KCND2: variants seen among roughly 807,000 people sequenced by gnomAD.
KCND2 encodes potassium voltage-gated channel subfamily D member 2.
In KCND2, 16 loss-of-function variants were observed where a neutral mutation model predicts 54.4. That is an observed-to-expected ratio of 0.29 (90% CI 0.20 to 0.45). The LOEUF (loss-of-function observed/expected upper bound fraction) is 0.45, where lower values mean the gene tolerates loss of function less well. Ranked by LOEUF, KCND2 falls within the 20% of genes least tolerant of loss-of-function variation. The pLI is 1.00. For missense variants in KCND2, 486 were observed against 824.2 expected (o/e 0.59, Z 5.02); for synonymous variants, 317 against 310.7 (o/e 1.02, Z -0.21).
chr7:120,408,653 A>G (rs967280772), intron 1 of KCND2, among the ~76,000 whole-genome samples: 9 of 151,840 alleles, frequency 5.9e-5, no homozygotes, highest in Admixed American at 4.6e-4. Flanking sequence ...CTCAGGAGTC[A>G]TTGTGATCAA....
At chr7:120,718,007 G>A (rs1415478892) in intron 1 of KCND2, among the ~76,000 whole-genome samples, 5 of 152,010 alleles carry the variant, frequency 3.3e-5, no homozygotes, top group Non-Finnish European at 5.9e-5. Context: ...TAAGTGGTAG[G>A]CAGCAACCAG....
chr7:120,484,036 G>A (rs936594780), intron 1 of KCND2, among the ~76,000 whole-genome samples: 1 of 152,048 alleles, frequency 6.6e-6, no homozygotes, highest in Non-Finnish European at 1.5e-5. Flanking sequence ...CAAACCTGGA[G>A]ATAAATAAAA....
At chr7:120,741,690 T>C in intron 3 of KCND2, 61 bp downstream of exon 3, 1 of 1,114,986 alleles carries the variant, frequency 9.0e-7, no homozygotes, top group Non-Finnish European at 1.4e-6. Context: ...TTGATTTAGT[T>C]CTACTTTCCT....
intron 1 of KCND2, among the ~76,000 whole-genome samples, chr7:120,345,375 A>G (rs1800300636): frequency 6.6e-6 from 1 of 152,060 alleles, no homozygotes; most frequent in African/African-American, 2.4e-5. Flanking sequence ...GTAATTTTTT[A>G]AAGTGAAAGT....
At chr7:120,703,157 A>T (rs1055665200) in intron 1 of KCND2, among the ~76,000 whole-genome samples, 3 of 152,220 alleles carry the variant, frequency 2.0e-5, no homozygotes, top group Non-Finnish European at 4.4e-5. Flanking sequence ...GAGAGAAAGT[A>T]TCTGAACAGG....
chr7:120,709,724 TG>T (rs2116061546), intron 1 of KCND2, among the ~76,000 whole-genome samples: 1 of 152,248 alleles, frequency 6.6e-6, no homozygotes, highest in African/African-American at 2.4e-5. Flanking sequence ...AAGAAGAAAG[TG>T]TGGCTTTTCA....
intron 1 of KCND2, among the ~76,000 whole-genome samples, chr7:120,565,989 G>C (rs185907019): frequency 1.3e-5 from 2 of 152,206 alleles, no homozygotes; most frequent in African/African-American, 4.8e-5. Flanking sequence ...TTAATAATGA[G>C]TTCTCCCAGA....
intron 1 of KCND2, among the ~76,000 whole-genome samples, chr7:120,488,665 T>C (rs1269240877): frequency 6.6e-6 from 1 of 152,280 alleles, no homozygotes; most frequent in East Asian, 1.9e-4. Context: ...TCTTTCATGT[T>C]TATTTACTAA....
At chr7:120,433,611 C>T (rs1361420251) in intron 1 of KCND2, among the ~76,000 whole-genome samples, 3 of 152,186 alleles carry the variant, frequency 2.0e-5, no homozygotes, top group African/African-American at 7.2e-5. Flanking sequence ...ACAACCAGCA[C>T]TATTGCCTGG....
intron 1 of KCND2, among the ~76,000 whole-genome samples, chr7:120,623,439 CA>C (rs1270470566): frequency 6.6e-6 from 1 of 152,078 alleles, no homozygotes; most frequent in African/African-American, 2.4e-5. Flanking sequence ...TGTATGAAGG[CA>C]AGTGTTATGA....
rs114617783 is a variant in KCND2 at position 120,313,341 on chromosome 7, A to G, written c.1115+37594A>G. Among the ~76,000 whole-genome samples, 758 of 152,316 alleles carry G rather than the reference A, an allele frequency of 5.0e-3. 3 individuals carry two copies. The highest frequency in any genetic ancestry group is 0.017 in the African/African-American group (697 of 41,568). The stretch of plus-strand genomic sequence containing the variant: ...TAAAATATTTCTATTGTATATGTAT[A>G]TAAATGTATGCATGACAATTAAATA... On this transcript the variant is annotated intron_variant, in intron 1 of 5. Transcript: ENST00000331113.
At chr7:120,744,168 A>G (rs906057564) in intron 4 of KCND2, among the ~76,000 whole-genome samples, 5 of 152,268 alleles carry the variant, frequency 3.3e-5, no homozygotes, top group African/African-American at 1.2e-4. Flanking sequence ...AGGCTGAGGC[A>G]GGAGAATTGC....
At chr7:120,654,395 T>C (rs949917136) in intron 1 of KCND2, among the ~76,000 whole-genome samples, 14 of 152,306 alleles carry the variant, frequency 9.2e-5, no homozygotes, top group Non-Finnish European at 1.9e-4. Context: ...ATTGTTGCAA[T>C]TTATATGGAA....
chr7:120,687,484 C>G (rs997166469), intron 1 of KCND2, among the ~76,000 whole-genome samples: 1 of 152,036 alleles, frequency 6.6e-6, no homozygotes, highest in African/African-American at 2.4e-5. Flanking sequence ...TGCTGATTAG[C>G]TTGATTTAAC....
rs1467967042 is a variant in KCND2, at chr7:120,324,455, C to A, written c.1115+48708C>A. Among the ~76,000 whole-genome samples, 28 of 147,140 alleles carry A rather than the reference C, an allele frequency of 1.9e-4. No individual in the cohort carries two copies. In the East Asian group the frequency reaches 5.4e-3, roughly 28 times the overall value. ...TAGGTCTAACGTTTAAGTCTTTAAT[C>A]CATCTTGAATTGATTTTTGTATAAG... is the stretch of plus-strand genomic sequence containing the variant. On this transcript the variant is annotated intron_variant, in intron 1 of 5. Transcript: ENST00000331113.
intron 1 of KCND2, 58 bp from the exon 2 acceptor site, chr7:120,732,845 G>T (rs1367395537): frequency 6.9e-7 from 1 of 1,448,486 alleles, no homozygotes; most frequent in Non-Finnish European, 9.6e-7. Context: ...CTTAGTTTCA[G>T]GTAGAAATGT....
chr7:120,367,192 T>C (rs980210566), intron 1 of KCND2, among the ~76,000 whole-genome samples: 2 of 152,098 alleles, frequency 1.3e-5, no homozygotes, highest in Admixed American at 1.3e-4. Flanking sequence ...TAAAGGAACT[T>C]GTTTAAGGAC....
intron 1 of KCND2, among the ~76,000 whole-genome samples, chr7:120,552,076 T>A (rs1792111002): frequency 6.6e-6 from 1 of 152,074 alleles, no homozygotes; most frequent in South Asian, 2.1e-4. Flanking sequence ...ATAAATGTCT[T>A]CCCCCAAGAG....
At chr7:120,622,711 TCTCTCACACACA>T (rs1334030287) in intron 1 of KCND2, among the ~76,000 whole-genome samples, 1 of 134,002 alleles carries the variant, frequency 7.5e-6, no homozygotes, top group Non-Finnish European at 1.7e-5. Flanking sequence ...TCTCTCTCTC[TCTCTCACACACA>T]CACACACACA....
Sources: allele counts gnomAD v4.1 joint callset (sites outside exome capture counted in the v4.1 genomes callset), GRCh38; gene constraint gnomAD v4.1.1; transcripts MANE v1.5; gene names NCBI Gene and HGNC (gene_info 2026-07-23, HGNC 2026-07-21).